The following FANCC variants were observed in gnomAD, a reference collection of about 807,000 sequenced individuals.
FANCC encodes Fanconi anemia group C protein.
Under a neutral mutation model 71.3 loss-of-function variants are expected in FANCC, and 55 were observed. The observed-to-expected ratio is 0.77, with a 90% confidence interval of 0.62 to 0.97. The LOEUF is 0.97. Among genes scored for constraint, FANCC ranks in the 50% least tolerant of loss-of-function variants. The pLI, the probability that FANCC is intolerant of heterozygous loss-of-function variation, is 0.00. For synonymous variants in FANCC, 275 were observed against 244.9 expected, an observed-to-expected ratio of 1.12 and a Z score of -1.15; for missense variants, 678 against 670.9, an observed-to-expected ratio of 1.01 and a Z score of -0.12.
chr9:95,104,556 A>C (rs2071296016), intron 14 of FANCC, among the ~76,000 whole-genome samples: 1 of 151,916 alleles, frequency 6.6e-6, no homozygotes, highest in Admixed American at 6.6e-5. Context: ...CATCTGGCTT[A>C]CTCCCAGCAA....
chr9:95,178,419 G>A (rs945905033), intron 4 of FANCC, among the ~76,000 whole-genome samples: 3 of 152,224 alleles, frequency 2.0e-5, no homozygotes, highest in Non-Finnish European at 4.4e-5. Flanking sequence ...ACTTCTGAGA[G>A]GTCTGTACCT....
chr9:95,286,753 C>G (rs1833712844), intron 1 of FANCC, among the ~76,000 whole-genome samples: 1 of 152,148 alleles, frequency 6.6e-6, no homozygotes, highest in Non-Finnish European at 1.5e-5. Flanking sequence ...GACCCAGTGT[C>G]CAGCCACAGC....
chr9:95,269,241 G>C (rs1318832275), intron 1 of FANCC, among the ~76,000 whole-genome samples: 1 of 152,134 alleles, frequency 6.6e-6, no homozygotes, highest in Non-Finnish European at 1.5e-5. Flanking sequence ...GTTTTCCAAA[G>C]GGCAGAGAAA....
At chr9:95,273,501 G>C (rs1465628765) in intron 1 of FANCC, among the ~76,000 whole-genome samples, 1 of 152,108 alleles carries the variant, frequency 6.6e-6, no homozygotes, top group Admixed American at 6.5e-5. Flanking sequence ...GTCCAAATAG[G>C]AAGTGGAACT....
At position 95,258,778 on chromosome 9, in the gene FANCC, T is replaced by C. The variant is rs541252633; in HGVS notation, c.-78-9409A>G. On this transcript the variant is annotated intron_variant, in intron 1 of 14. Transcript: ENST00000289081. Reference sequence around the variant, plus strand: ...TCTGTTTACAGATGACATGATTGTATATTTAGAAAACCCCACTGTCTCAGC... The same window carrying C: ...TCTGTTTACAGATGACATGATTGTACATTTAGAAAACCCCACTGTCTCAGC... Among the ~76,000 whole-genome samples the C allele has an allele frequency of 8.5e-5, 13 of 152,336 alleles. No homozygotes were observed. The South Asian group carries it at 1.0e-3, about 12-fold the overall frequency.
At chr9:95,149,889 C>A (rs376679271) in intron 7 of FANCC, 34 bp downstream of exon 7, 1 of 1,567,354 alleles carries the variant, frequency 6.4e-7, no homozygotes, top group Admixed American at 1.9e-5. Context: ...AAAGGAAAAA[C>A]GACGCAGGAT....
chr9:95,217,226 C>T (rs1828919645), intron 4 of FANCC, among the ~76,000 whole-genome samples: 2 of 152,138 alleles, frequency 1.3e-5, no homozygotes, highest in African/African-American at 4.8e-5. Context: ...GGGCTCACAC[C>T]TGTAATCCCA....
chr9:95,126,670 C>G, intron 8 of FANCC, 89 bp from the exon 9 acceptor site: 1 of 1,339,546 alleles, frequency 7.5e-7, no homozygotes, highest in Non-Finnish European at 1.1e-6. Flanking sequence ...TTACTGGGAA[C>G]TGCTGATGTC....
Position 95,240,721 on chromosome 9 carries a change from T to C in FANCC, c.273A>G (p.Ile91Met). 6.2e-7 allele frequency: 1 copy of C among 1,612,408 alleles called. No individual in the cohort carries two copies. Among genetic ancestry groups the C allele is most frequent in the Non-Finnish European group, 8.5e-7 (1 of 1,179,092 alleles). The change falls in exon 4 of 15, where the codon ATA becomes ATG. Residue 91 changes from isoleucine to methionine, a missense_variant. By Grantham distance (10) the Ile-to-Met change is conservative. Coordinates refer to ENST00000289081, the MANE Select transcript of FANCC (RefSeq NM_000136.3). ...TGTTAATTAGACAACATAAGCACCA[T>C]ATTAGAATTTTTTGGCTTTCATCTA... ...LAYDESQKIL[I>M]WCLCCLINKE...
rs922997650 is a variant in FANCC at position 95,117,405 on chromosome 9, A to G, written c.997-15T>C. The stretch of plus-strand genomic sequence containing the variant: ...GCAAACCGCAGCTGCCACAGGATGG[A>G]AAATCCAAAGAGCATGAACATTAAG... On this transcript the variant is annotated splice_polypyrimidine_tract_variant and intron_variant, in intron 10 of 14. Transcript: ENST00000289081. 5 of 1,610,452 alleles carry G rather than the reference A, an allele frequency of 3.1e-6. No homozygotes were observed. Among genetic ancestry groups the G allele is most frequent in the Non-Finnish European group, 3.4e-6 (4 of 1,177,406 alleles).
chr9:95,245,382 C>T (rs1377302509), intron 3 of FANCC, among the ~76,000 whole-genome samples: 3 of 151,880 alleles, frequency 2.0e-5, no homozygotes, highest in African/African-American at 7.2e-5. Flanking sequence ...CGGAAATATT[C>T]CAAGACCCTC....
At chr9:95,128,909 C>T (rs1295183031) in intron 8 of FANCC, among the ~76,000 whole-genome samples, 3 of 144,744 alleles carry the variant, frequency 2.1e-5, no homozygotes, top group African/African-American at 7.5e-5. Context: ...AACCAGTCTC[C>T]TTTTTTTTTT....
chr9:95,117,461 CTG>C (rs904008652), intron 10 of FANCC, 71 bp from the exon 11 acceptor site: 118 of 1,269,444 alleles, frequency 9.3e-5, no homozygotes, highest in Non-Finnish European at 1.2e-4. Flanking sequence ...ATACAAAACT[CTG>C]AGTCCTCTGC....
At chr9:95,102,823 A>T (rs1315956457) in intron 14 of FANCC, among the ~76,000 whole-genome samples, 1 of 152,208 alleles carries the variant, frequency 6.6e-6, no homozygotes, top group Non-Finnish European at 1.5e-5. Context: ...GGGGACGCAG[A>T]GCTAAGAGTA....
chr9:95,129,985 T>C (rs1826640432), intron 8 of FANCC, among the ~76,000 whole-genome samples: 1 of 152,068 alleles, frequency 6.6e-6, no homozygotes. Context: ...AGAAAGCCCA[T>C]CTTCATCCCT....
At chr9:95,223,403 G>A (rs1232937598) in intron 4 of FANCC, among the ~76,000 whole-genome samples, 2 of 152,110 alleles carry the variant, frequency 1.3e-5, no homozygotes, top group East Asian at 1.9e-4. Flanking sequence ...GCATGTCTAC[G>A]TCTAAATTTC....
intron 1 of FANCC, among the ~76,000 whole-genome samples, chr9:95,254,968 C>T (rs976218253): frequency 6.6e-6 from 1 of 152,014 alleles, no homozygotes; most frequent in African/African-American, 2.4e-5. Context: ...CAGGGATGTT[C>T]GCTCAGCAAA....
chr9:95,314,619 T>G (rs556967767), intron 1 of FANCC, among the ~76,000 whole-genome samples: 2 of 151,742 alleles, frequency 1.3e-5, no homozygotes, highest in East Asian at 3.9e-4. Context: ...GCCACTGCAC[T>G]CCAGTCTGGG....
chr9:95,111,422 A>C (rs892202739), intron 13 of FANCC, 41 bp downstream of exon 13: 7 of 1,602,104 alleles, frequency 4.4e-6, no homozygotes, highest in African/African-American at 2.7e-5. Flanking sequence ...TCAGCCCCCC[A>C]GAGCCCACCC....
Sources: gnomAD v4.1 joint callset for allele counts (sites outside exome capture counted in the v4.1 genomes callset) on GRCh38, gnomAD v4.1.1 for gene constraint, MANE v1.5 for transcripts, NCBI Gene and HGNC (gene_info 2026-07-23, HGNC 2026-07-21) for gene names.